The following ZNF33B variants were observed in gnomAD, a reference collection of about 807,000 sequenced individuals.
ZNF33B encodes zinc finger protein 11b (KOX 2).
In ZNF33B, 29 loss-of-function variants were observed where a neutral mutation model predicts 45.8. That is an observed-to-expected ratio of 0.63 (90% CI 0.47 to 0.86). The LOEUF is 0.86. Ranked by LOEUF, ZNF33B falls within the 40% of genes least tolerant of loss-of-function variation. The probability of loss-of-function intolerance (pLI) is 0.00; values close to 1 mark genes in which losing one functional copy is unlikely to be tolerated. For synonymous variants in ZNF33B, 305 were observed against 307.8 expected (o/e 0.99, Z 0.10); for missense variants, 831 against 909.9 (o/e 0.91, Z 1.12).
At chr10:42,611,038 C>G (rs1428194754) in intron 4 of ZNF33B, among the ~76,000 whole-genome samples, 1 of 152,100 alleles carries the variant, frequency 6.6e-6, no homozygotes, top group African/African-American at 2.4e-5. Flanking sequence ...GCCAAGAAAA[C>G]TTAATGCTGA....
downstream of ZNF33B, among the ~76,000 whole-genome samples, chr10:42,586,720 T>C (rs1382700238): frequency 6.6e-6 from 1 of 152,164 alleles, no homozygotes; most frequent in Non-Finnish European, 1.5e-5. Flanking sequence ...CCATTAGGTG[T>C]TGAGTTTGAT....
intron 4 of ZNF33B, among the ~76,000 whole-genome samples, chr10:42,604,638 T>C (rs1041124013): frequency 1.3e-5 from 2 of 151,990 alleles, no homozygotes; most frequent in African/African-American, 4.8e-5. Context: ...CTTGGCCAGG[T>C]GGGGTGGCTC....
At chr10:42,586,129 G>A (rs1192105509), downstream of ZNF33B, among the ~76,000 whole-genome samples, 4 of 150,830 alleles carry the variant, frequency 2.7e-5, no homozygotes, top group Admixed American at 2.0e-4. Flanking sequence ...CAGATGATCG[G>A]CACAGGATAA....
chr10:42,601,468 G>GTTTTTTTTTTTTTTTTTTTTTT (rs57196690), intron 4 of ZNF33B, among the ~76,000 whole-genome samples: 2 of 79,444 alleles, frequency 2.5e-5, no homozygotes, highest in Non-Finnish European at 4.6e-5. Context: ...ACATGGGCTT[G>GTTTTTTTTTTTTTTTTTTTTTT]TTTTTTTTTT....
chr10:42,632,740 G>C (rs1264699723), intron 2 of ZNF33B, among the ~76,000 whole-genome samples: 1 of 152,172 alleles, frequency 6.6e-6, no homozygotes, highest in Non-Finnish European at 1.5e-5. Context: ...CAAGTACTAA[G>C]GTGAAAGTAC....
intron 1 of ZNF33B, among the ~76,000 whole-genome samples, chr10:42,581,224 G>T (rs7079577): frequency 0.091 from 13,902 of 151,974 alleles, 711 homozygotes; most frequent in Admixed American, 0.15. Flanking sequence ...AGTGGTTCAT[G>T]TTGGTAATCC....
intron 4 of ZNF33B, among the ~76,000 whole-genome samples, chr10:42,618,131 T>A (rs572015075): frequency 6.7e-4 from 102 of 152,332 alleles, no homozygotes; most frequent in Admixed American, 1.0e-3. Context: ...TTACCAGTTT[T>A]GATACCTAAA....
intron 4 of ZNF33B, among the ~76,000 whole-genome samples, chr10:42,625,472 T>C (rs1489752449): frequency 6.6e-6 from 1 of 151,582 alleles, no homozygotes; most frequent in Non-Finnish European, 1.5e-5. Context: ...TTTCATTTTG[T>C]TTTCTTTTCT....
intron 4 of ZNF33B, among the ~76,000 whole-genome samples, chr10:42,616,727 C>T (rs1184959440): frequency 2.6e-5 from 4 of 152,172 alleles, no homozygotes; most frequent in Non-Finnish European, 5.9e-5. Context: ...GATGGAGTCT[C>T]GCTCTGTCGC....
At chr10:42,635,246 A>C (rs1326539405) in intron 2 of ZNF33B, among the ~76,000 whole-genome samples, 1 of 152,070 alleles carries the variant, frequency 6.6e-6, no homozygotes, top group Non-Finnish European at 1.5e-5. Flanking sequence ...CTCCAAAAAA[A>C]AAAAAAAAAA....
rs1383457996 is a variant in ZNF33B at position 42,593,251 on chromosome 10, T to G, written c.1699A>C (p.Thr567Pro). 6.2e-7 allele frequency: 1 copy of G among 1,613,600 alleles called. No individual in the cohort carries two copies. Among genetic ancestry groups the G allele is most frequent in the Non-Finnish European group, 8.5e-7 (1 of 1,179,934 alleles). The change falls in exon 5 of 5, where the codon ACC (threonine) becomes CCC (proline). Residue 567 changes from threonine to proline, a missense_variant. Physicochemically the swap from Thr to Pro is conservative, Grantham distance 38. Coordinates refer to ENST00000359467, the MANE Select transcript of ZNF33B (RefSeq NM_006955.3). ...ECGKFFSHKS[T>P]LSQHYRTHTG... Reference sequence around the variant, plus strand: ...TGTGTTCTATAATGTTGAGAGAGGGTTGACTTATGGCTAAAGAATTTCCCA... The same window carrying G: ...TGTGTTCTATAATGTTGAGAGAGGGGTGACTTATGGCTAAAGAATTTCCCA...
chr10:42,617,410 C>G (rs1353075987), intron 4 of ZNF33B, among the ~76,000 whole-genome samples: 1 of 151,986 alleles, frequency 6.6e-6, no homozygotes, highest in African/African-American at 2.4e-5. Flanking sequence ...AGCCTGGAGG[C>G]AATTCTTGAA....
intron 4 of ZNF33B, among the ~76,000 whole-genome samples, chr10:42,601,458 A>G (rs1254317332): frequency 2.7e-5 from 4 of 148,352 alleles, no homozygotes; most frequent in Admixed American, 2.0e-4. Context: ...CCTAAAGCTC[A>G]CATGGGCTTG....
At chr10:42,624,830 T>C (rs957626459) in intron 4 of ZNF33B, among the ~76,000 whole-genome samples, 1 of 152,170 alleles carries the variant, frequency 6.6e-6, no homozygotes, top group Non-Finnish European at 1.5e-5. Context: ...CAGTGTGCAA[T>C]TTAAAACTTA....
intron 4 of ZNF33B, among the ~76,000 whole-genome samples, chr10:42,629,305 G>C (rs574531481): frequency 6.6e-6 from 1 of 152,194 alleles, no homozygotes; most frequent in East Asian, 1.9e-4. Flanking sequence ...AGGTGGTGGG[G>C]TGGGGTTGGG....
At position 42,637,473 on chromosome 10, in the gene ZNF33B, G is replaced by C. The variant is rs375093067; in HGVS notation, c.-44-501C>G. Among the ~76,000 whole-genome samples, 31 of 152,268 alleles carry C rather than the reference G, an allele frequency of 2.0e-4. 1 individual carries two copies. Among genetic ancestry groups the C allele is most frequent in the African/African-American group, 7.2e-4 (30 of 41,550 alleles). Reference sequence around the variant, plus strand: ...CTAACTTTGTTGCTATTTCTCAAAAGGATGTTTTAAACTTGCTTTGATGTG... The same window carrying C: ...CTAACTTTGTTGCTATTTCTCAAAACGATGTTTTAAACTTGCTTTGATGTG... On this transcript the variant is annotated intron_variant, in intron 1 of 4. Transcript: ENST00000359467.
Position 42,636,586 on chromosome 10 carries a change from C to T in ZNF33B, c.9+334G>A, listed in dbSNP as rs1359052972. Among the ~76,000 whole-genome samples the T allele has an allele frequency of 2.6e-5, 4 of 152,200 alleles. No homozygotes were observed. In the East Asian group the frequency reaches 7.7e-4, roughly 29 times the overall value. ...CTTGTAATCCCAACACTTTGGGAGGCCGAGGCGGGCGGATTGCCTGAGCTC... is the reference window on the plus strand; with the variant it reads ...CTTGTAATCCCAACACTTTGGGAGGTCGAGGCGGGCGGATTGCCTGAGCTC... On this transcript the variant is annotated intron_variant, in intron 2 of 4. Transcript: ENST00000359467.
intron 4 of ZNF33B, among the ~76,000 whole-genome samples, chr10:42,607,192 G>A (rs1169518472): frequency 3.3e-5 from 5 of 152,174 alleles, no homozygotes; most frequent in Non-Finnish European, 4.4e-5. Flanking sequence ...AGTTAAGGTA[G>A]TAGAAATCTG....
At chr10:42,600,578 T>C (rs1315996617) in intron 4 of ZNF33B, among the ~76,000 whole-genome samples, 1 of 152,202 alleles carries the variant, frequency 6.6e-6, no homozygotes, top group Non-Finnish European at 1.5e-5. Flanking sequence ...GTTTCCTTTA[T>C]AGGCAGCATG....
Sources: allele counts gnomAD v4.1 joint callset (sites outside exome capture counted in the v4.1 genomes callset), GRCh38; gene constraint gnomAD v4.1.1; transcripts MANE v1.5; gene names NCBI Gene and HGNC (gene_info 2026-07-23, HGNC 2026-07-21).